The following KHDC1 variants were observed in gnomAD, a reference collection of about 807,000 sequenced individuals.
KHDC1 encodes the protein KH domain containing 1, also known as KH homology domain-containing protein 1.
A neutral mutation model predicts 24.7 loss-of-function variants in KHDC1; 21 were observed. The observed-to-expected ratio is 0.85, with a 90% CI of 0.60 to 1.23. KHDC1 has a LOEUF of 1.23. Among genes scored for constraint, KHDC1 ranks in the 50% most tolerant of loss-of-function variants. KHDC1 has a pLI of 0.00. For synonymous variants in KHDC1, 98 were observed against 111.7 expected, an observed-to-expected ratio of 0.88 and a Z score of 0.77; for missense variants, 274 against 298.5, an observed-to-expected ratio of 0.92 and a Z score of 0.61.
chr6:73,309,531 AG>A, intron 1 of KHDC1: 1 of 1,495,468 alleles, frequency 6.7e-7, no homozygotes, highest in Non-Finnish European at 8.9e-7. Context: ...TTTTCCTACC[AG>A]GGCCCCTAAA....
chr6:73,253,890 AG>A (rs1488305946), intron 2 of KHDC1, among the ~76,000 whole-genome samples: 1 of 152,202 alleles, frequency 6.6e-6, no homozygotes, highest in Admixed American at 6.5e-5. Flanking sequence ...TGGGTGGCAG[AG>A]TGAGGCTCTG....
At chr6:73,265,594 G>A (rs1242182734) in intron 2 of KHDC1, among the ~76,000 whole-genome samples, 1 of 151,902 alleles carries the variant, frequency 6.6e-6, no homozygotes, top group Non-Finnish European at 1.5e-5. Context: ...GAGGAAGGTG[G>A]GAATGGAGAC....
chr6:73,254,959 G>A (rs1024540739), intron 2 of KHDC1, among the ~76,000 whole-genome samples: 3 of 151,290 alleles, frequency 2.0e-5, no homozygotes, highest in Admixed American at 6.6e-5. Context: ...TGGAGATCGC[G>A]CCATTGCACT....
rs115380730 is a variant in KHDC1, at chr6:73,303,281, T to C, written c.163+6271A>G. 4.1e-3 allele frequency among the ~76,000 whole-genome samples: 629 copies of C among 152,012 alleles called. 4 individuals carry two copies. The highest frequency in any genetic ancestry group is 0.014 in the African/African-American group (560 of 41,452). ...TGGGGGTGGGGGGATTCAGGAGCCA[T>C]TGGTGAAGAAACAACAGCTGTTCCA... On this transcript the variant is annotated intron_variant, in intron 1 of 4. Coordinates refer to ENST00000370384, the Ensembl canonical transcript of KHDC1.
At chr6:73,278,639 T>G (rs1423197429) in intron 2 of KHDC1, among the ~76,000 whole-genome samples, 1 of 152,244 alleles carries the variant, frequency 6.6e-6, no homozygotes, top group Non-Finnish European at 1.5e-5. Flanking sequence ...AACTTTTTCA[T>G]TATGAATTTT....
intron 2 of KHDC1, among the ~76,000 whole-genome samples, chr6:73,252,314 G>T (rs1666100202): frequency 6.6e-6 from 1 of 152,118 alleles, no homozygotes; most frequent in South Asian, 2.1e-4. Flanking sequence ...AAACTGGAGG[G>T]ATTACAGGTG....
intron 2 of KHDC1, among the ~76,000 whole-genome samples, chr6:73,271,999 C>A (rs565432024): frequency 1.2e-4 from 18 of 145,750 alleles, no homozygotes; most frequent in South Asian, 8.8e-4. Context: ...ATAGTGTAAT[C>A]CCATTTAAAA....
chr6:73,242,546 G>T lies in KHDC1; in HGVS notation c.207-16C>A. 1 of 1,613,960 alleles carries T rather than the reference G, an allele frequency of 6.2e-7. No individual in the cohort carries two copies. The highest frequency in any genetic ancestry group is 8.5e-7 in the Non-Finnish European group (1 of 1,179,914). On this transcript the variant is annotated splice_polypyrimidine_tract_variant and intron_variant, in intron 2 of 4. Coordinates refer to ENST00000370384, the Ensembl canonical transcript of KHDC1. ...CTGCTCCGACCTGATACAGAATAGG[G>T]CCAAGTCCAAGCAACTGGTTGGCAA...
intron 1 of KHDC1, chr6:73,299,234 G>C (rs991479142): frequency 1.3e-5 from 2 of 152,330 alleles, no homozygotes; most frequent in Non-Finnish European, 2.9e-5. Context: ...TCGGGAGATA[G>C]TTGGTGCTTT....
chr6:73,257,785 C>G (rs1485952130), intron 2 of KHDC1, among the ~76,000 whole-genome samples: 1 of 151,954 alleles, frequency 6.6e-6, no homozygotes, highest in African/African-American at 2.4e-5. Context: ...ACTCTTTGAC[C>G]CTCAGACAAA....
At chr6:73,252,749 G>A (rs1397773891) in intron 2 of KHDC1, among the ~76,000 whole-genome samples, 2 of 151,714 alleles carry the variant, frequency 1.3e-5, no homozygotes, top group African/African-American at 4.8e-5. Context: ...TCTGGTAAAC[G>A]AAGGTTGCAG....
chr6:73,252,345 T>C (rs1283659805), intron 2 of KHDC1, among the ~76,000 whole-genome samples: 1 of 152,148 alleles, frequency 6.6e-6, no homozygotes, highest in Non-Finnish European at 1.5e-5. Flanking sequence ...TGCCTGGCCC[T>C]AAATCACATC....
chr6:73,275,118 C>G (rs982359117), intron 2 of KHDC1: 1 of 152,300 alleles, frequency 6.6e-6, no homozygotes, highest in Non-Finnish European at 1.5e-5. Flanking sequence ...TTTGGGAGGC[C>G]CAGGCGGGCA....
intron 2 of KHDC1, among the ~76,000 whole-genome samples, chr6:73,264,210 G>T (rs572760332): frequency 1.3e-5 from 2 of 152,192 alleles, no homozygotes; most frequent in South Asian, 4.2e-4. Flanking sequence ...GGTCAACTCT[G>T]CCCCCAGGAA....
chr6:73,302,577 G>A (rs1416759061), intron 1 of KHDC1, among the ~76,000 whole-genome samples: 1 of 152,172 alleles, frequency 6.6e-6, no homozygotes, highest in African/African-American at 2.4e-5. Context: ...TTATAGGACT[G>A]GCAGTGCAGT....
chr6:73,296,252 C>G (rs528469095), intron 1 of KHDC1, among the ~76,000 whole-genome samples: 1 of 151,614 alleles, frequency 6.6e-6, no homozygotes, highest in Non-Finnish European at 1.5e-5. Context: ...GCCAAGAGTT[C>G]GAGACCAGCC....
rs995176787 is a variant in KHDC1, at chr6:73,292,402, A to C, written c.164-362T>G. 6 of 779,064 alleles carry C rather than the reference A, an allele frequency of 7.7e-6. No homozygotes were observed. The Admixed American group carries it at 1.0e-4, about 13-fold the overall frequency. 48.3% of individuals were successfully genotyped at this position (779,064 alleles called of 1,614,324 possible). On this transcript the variant is annotated intron_variant, in intron 1 of 4. Transcript: ENST00000370384. The stretch of plus-strand genomic sequence containing the variant: ...ATGAATGTGGGAATTACTCAGGAGC[A>C]GCAGAATATCTTTATTTTTTCAGAG...
At chr6:73,263,380 C>G (rs113930166) in intron 2 of KHDC1, 184 bp from the exon 1 acceptor site, 15 of 709,414 alleles carry the variant, frequency 2.1e-5, no homozygotes, top group Non-Finnish European at 2.6e-5. Flanking sequence ...GACCCAGACC[C>G]GGACGACCCC....
intron 2 of KHDC1, among the ~76,000 whole-genome samples, chr6:73,273,800 C>A (rs2150625162): frequency 6.6e-6 from 1 of 151,836 alleles, no homozygotes; most frequent in South Asian, 2.1e-4. Flanking sequence ...GACTGGGCAA[C>A]AGGGTAATAC....
Sources: allele counts gnomAD v4.1 joint callset (sites outside exome capture counted in the v4.1 genomes callset), GRCh38; gene constraint gnomAD v4.1.1; transcripts MANE v1.5; gene names NCBI Gene and HGNC (gene_info 2026-07-23, HGNC 2026-07-21).